Variants in STIM1 observed in about 807,000 individuals in gnomAD.
STIM1 encodes stromal interaction molecule 1.
STIM1 carries 25 observed loss-of-function variants against 74.7 expected under a neutral mutation model. The observed-to-expected ratio is 0.33, with a 90% CI of 0.24 to 0.47. The LOEUF is 0.47. STIM1 is among the 20% of genes least tolerant of loss of function. STIM1 has a pLI of 1.00. For missense variants in STIM1, 728 were observed against 920.8 expected, an observed-to-expected ratio of 0.79 and a Z score of 2.71; for synonymous variants, 328 against 348.8, an observed-to-expected ratio of 0.94 and a Z score of 0.66.
At chr11:3,986,473 C>G (rs1209935226) in intron 2 of STIM1, among the ~76,000 whole-genome samples, 1 of 152,008 alleles carries the variant, frequency 6.6e-6, no homozygotes, top group Admixed American at 6.6e-5. Context: ...AGGCTGTAGC[C>G]AGATTTGTGT....
chr11:4,004,783 A>G (rs1435927796), intron 2 of STIM1, among the ~76,000 whole-genome samples: 1 of 152,152 alleles, frequency 6.6e-6, no homozygotes, highest in Non-Finnish European at 1.5e-5. Context: ...AGAAACTACC[A>G]TCAGAGTGAA....
chr11:4,015,842 G>A (rs920143234), intron 2 of STIM1, among the ~76,000 whole-genome samples: 2 of 151,846 alleles, frequency 1.3e-5, no homozygotes, highest in African/African-American at 2.4e-5. Flanking sequence ...ATCGGCTATT[G>A]AAGCTTGTGT....
At chr11:4,043,907 C>G (rs1298209296) in intron 3 of STIM1, among the ~76,000 whole-genome samples, 1 of 151,860 alleles carries the variant, frequency 6.6e-6, no homozygotes, top group African/African-American at 2.4e-5. Context: ...CCCAGCTACT[C>G]GGGAGGCTGA....
Position 4,082,914 on chromosome 11 carries a change from C to G in STIM1, c.1170C>G (p.Leu390=), listed in dbSNP as rs143609147. ...AEKIKKKRNT[L]FGTFHVAHSS... is the part of the protein sequence containing the mutation. ...AGATAAAAAAGAAGAGAAACACACT[C>G]TTTGGCACCTTCCACGTGGCCCACA... is the stretch of plus-strand genomic sequence containing the variant. The change falls in exon 9 of 13, where the codon CTC becomes CTG. Residue 390 remains leucine, a synonymous_variant. Coordinates refer to ENST00000526596, the MANE Select transcript of STIM1 (RefSeq NM_001382567.1). 1.5e-4 allele frequency: 237 copies of G among 1,614,174 alleles called. 1 individual carries two copies. In the African/African-American group the frequency reaches 2.7e-3, roughly 19 times the overall value.
intron 2 of STIM1, among the ~76,000 whole-genome samples, chr11:4,014,114 C>A (rs2093871433): frequency 6.6e-6 from 1 of 152,058 alleles, no homozygotes; most frequent in African/African-American, 2.4e-5. Flanking sequence ...TTTGCCATTT[C>A]TTCTCTAGTT....
chr11:3,898,744 T>A lies in STIM1; in HGVS notation c.139+42335T>A, dbSNP rs1210464385. Among the ~76,000 whole-genome samples the A allele has an allele frequency of 4.7e-4, 71 of 150,800 alleles. No homozygotes were observed. In the South Asian group the frequency reaches 4.9e-3, roughly 10 times the overall value. ...CAGCTTTCTACATATGGCTAGCCAG[T>A]TTTCCCAGCACCATTTATTAAATAG... On this transcript the variant is annotated intron_variant, in intron 1 of 12. Coordinates refer to ENST00000526596, the MANE Select transcript of STIM1 (RefSeq NM_001382567.1).
Position 3,998,430 on chromosome 11 carries a change from T to C in STIM1, c.271-25443T>C, listed in dbSNP as rs1450033867. 2.0e-5 allele frequency among the ~76,000 whole-genome samples: 3 copies of C among 152,228 alleles called. No individual in the cohort carries two copies. The East Asian group carries it at 5.8e-4, about 29-fold the overall frequency. ...CTTTCTTCTATTCAATAGACAATTA[T>C]GTCTTGACTAGCTATTGTAAGCTAA... On this transcript the variant is annotated intron_variant, in intron 2 of 12. Coordinates refer to ENST00000526596, the MANE Select transcript of STIM1 (RefSeq NM_001382567.1).
At chr11:4,064,240 A>G (rs1001501675) in intron 5 of STIM1, among the ~76,000 whole-genome samples, 14 of 152,230 alleles carry the variant, frequency 9.2e-5, no homozygotes, top group African/African-American at 2.7e-4. Context: ...GAAAATACTA[A>G]GGAGCTCTTT....
At chr11:4,070,247 T>A in intron 6 of STIM1, 44 bp downstream of exon 6, 1 of 1,610,920 alleles carries the variant, frequency 6.2e-7, no homozygotes, top group South Asian at 1.1e-5. Flanking sequence ...TGCCAGTTCT[T>A]GGGAACCTCC....
chr11:3,892,067 CAAAG>C (rs2091911639), intron 1 of STIM1, among the ~76,000 whole-genome samples: 1 of 152,238 alleles, frequency 6.6e-6, no homozygotes, highest in Non-Finnish European at 1.5e-5. Flanking sequence ...GAATTGTAGA[CAAAG>C]ACCTTGATTT....
intron 2 of STIM1, chr11:3,989,510 A>G: frequency 1.6e-6 from 1 of 607,404 alleles, no homozygotes; most frequent in Admixed American, 2.2e-5. Context: ...GCCGCGGCGC[A>G]CCGAGAGCCT....
intron 2 of STIM1, among the ~76,000 whole-genome samples, chr11:3,986,003 T>C (rs897016827): frequency 1.3e-5 from 2 of 152,210 alleles, no homozygotes; most frequent in African/African-American, 4.8e-5. Context: ...GAAATCTTTC[T>C]TACTTTTTGA....
intron 2 of STIM1, among the ~76,000 whole-genome samples, chr11:4,013,542 A>G (rs11493482): frequency 0.24 from 36,689 of 151,090 alleles, 5,601 homozygotes; most frequent in South Asian, 0.45. Context: ...CTCTTTGTGT[A>G]GAGGTGTTTA....
rs558792641 is a variant in STIM1, at chr11:3,963,014, A to G, written c.140-4538A>G. On this transcript the variant is annotated intron_variant, in intron 1 of 12. Coordinates refer to ENST00000526596, the MANE Select transcript of STIM1 (RefSeq NM_001382567.1). ...CTTATGAAACATATTATCAATCTAG[A>G]AAAAATCTTACTGAGGCAGTTTGCA... Among the ~76,000 whole-genome samples the G allele has an allele frequency of 4.6e-5, 7 of 152,342 alleles. 1 individual carries two copies. Among genetic ancestry groups the G allele is most frequent in the Middle Eastern group, 3.4e-3 (1 of 294 alleles).
rs2093013856 is a variant in STIM1 at position 3,941,761 on chromosome 11, A to T, written c.140-25791A>T. Among the ~76,000 whole-genome samples, 4 of 151,250 alleles carry T rather than the reference A, an allele frequency of 2.6e-5. No homozygotes were observed. The South Asian group carries it at 8.4e-4, about 32-fold the overall frequency. ...GAGTGCAATGGTATGATCATGGCTCACTGCAGTCTTGACCTCCTGGGCTAA... is the reference window on the plus strand; with the variant it reads ...GAGTGCAATGGTATGATCATGGCTCTCTGCAGTCTTGACCTCCTGGGCTAA... On this transcript the variant is annotated intron_variant, in intron 1 of 12. Transcript: ENST00000526596.
chr11:3,929,249 TATGTTAAAGCAGG>T (rs2092828715), intron 1 of STIM1, among the ~76,000 whole-genome samples: 1 of 152,230 alleles, frequency 6.6e-6, no homozygotes, highest in Non-Finnish European at 1.5e-5. Context: ...ACTTCCTTTT[TATGTTAAAGCAGG>T]TGAACTTCTG....
chr11:4,090,508 G>A (rs1315068821), intron 12 of STIM1, among the ~76,000 whole-genome samples: 3 of 152,208 alleles, frequency 2.0e-5, no homozygotes, highest in Non-Finnish European at 4.4e-5. Flanking sequence ...GGTTAGAAGA[G>A]GCAGCATCCT....
In STIM1 at chr11:3,983,112, T is replaced by A. The variant is rs535027539; in HGVS notation, c.270+15430T>A. 1.2e-3 allele frequency among the ~76,000 whole-genome samples: 185 copies of A among 152,240 alleles called. 1 individual carries two copies. Among genetic ancestry groups the A allele is most frequent in the African/African-American group, 4.3e-3 (177 of 41,536 alleles). On this transcript the variant is annotated intron_variant, in intron 2 of 12. Transcript: ENST00000526596. ...ACGCCTGGCTAATGTTTTTGTGTTT[T>A]TAGTAGAGAAGGGGTTTCTCTGTGT...
chr11:3,875,104 C>T lies in STIM1; in HGVS notation c.139+18695C>T, dbSNP rs74636209. Reference sequence around the variant, plus strand: ...CTGGAGTGATATGACAAACCCTCAGCTTCGTCTTGGTTGCTGGAATATGCC... The same window carrying T: ...CTGGAGTGATATGACAAACCCTCAGTTTCGTCTTGGTTGCTGGAATATGCC... On this transcript the variant is annotated intron_variant, in intron 1 of 12. Coordinates refer to ENST00000526596, the MANE Select transcript of STIM1 (RefSeq NM_001382567.1). 4.3e-3 allele frequency among the ~76,000 whole-genome samples: 660 copies of T among 152,186 alleles called. 3 individuals are homozygous for T. The highest frequency in any genetic ancestry group is 0.031 in the Middle Eastern group (9 of 294).
Sources: gnomAD v4.1 joint callset for allele counts (sites outside exome capture counted in the v4.1 genomes callset) on GRCh38, gnomAD v4.1.1 for gene constraint, MANE v1.5 for transcripts, NCBI Gene and HGNC (gene_info 2026-07-23, HGNC 2026-07-21) for gene names.